The following FMO5 variants were observed in gnomAD, a reference collection of about 807,000 sequenced individuals.
FMO5 encodes flavin containing dimethylaniline monoxygenase 5.
FMO5 carries 51 observed loss-of-function variants against 43.6 expected under a neutral mutation model. That is an observed-to-expected ratio of 1.17 (90% confidence interval 0.93 to 1.48). The LOEUF is 1.48. Among genes scored for constraint, FMO5 ranks in the 40% most tolerant of loss-of-function variants. The pLI is 0.00. For missense variants in FMO5, 644 were observed against 643.0 expected, an observed-to-expected ratio of 1.00 and a Z score of -0.02; for synonymous variants, 187 against 216.5, an observed-to-expected ratio of 0.86 and a Z score of 1.20.
chr1:147,212,457 A>G lies in FMO5; in HGVS notation c.566T>C (p.Ile189Thr), dbSNP rs1553923920. ...TCCAGAATTCCCAATGCCAATTATA[A>G]TGACTCTCTTTCCAGTGAATCCCTC... ...NPEGFTGKRV[I>T]IIGIGNSGGD... The change falls in exon 5 of 9, where the codon ATT (isoleucine) becomes ACT (threonine). Residue 189 changes from isoleucine to threonine, a missense_variant. Ile to Thr is a moderately conservative substitution (Grantham distance 89, BLOSUM62 -1). Coordinates refer to ENST00000254090, the MANE Select transcript of FMO5 (RefSeq NM_001461.4). The G allele has an allele frequency of 6.2e-7, 1 of 1,614,008 alleles. No homozygotes were observed. The highest frequency in any genetic ancestry group is 1.7e-5 in the Admixed American group (1 of 60,018).
chr1:147,203,602 C>G, intron 6 of FMO5: 1 of 1,142,796 alleles, frequency 8.8e-7, no homozygotes, highest in Non-Finnish European at 1.3e-6. Flanking sequence ...TAGCTTCAAA[C>G]GCCTCAGCAA....
intron 7 of FMO5, among the ~76,000 whole-genome samples, chr1:147,193,584 T>C (rs1553919042): frequency 6.6e-6 from 1 of 152,168 alleles, no homozygotes; most frequent in African/African-American, 2.4e-5. Context: ...TTCTAGTTCT[T>C]TTAATTGTGA....
intron 2 of FMO5, among the ~76,000 whole-genome samples, chr1:147,221,837 A>G (rs7553584): frequency 0.093 from 14,081 of 152,222 alleles, 739 homozygotes; most frequent in African/African-American, 0.15. Context: ...CATCCTTCAA[A>G]TCCTTCGAAA....
chr1:147,224,854 G>C (rs781832568), intron 2 of FMO5, 41 bp downstream of exon 2: 2 of 1,591,386 alleles, frequency 1.3e-6, no homozygotes, highest in East Asian at 4.5e-5. Flanking sequence ...CCTAGTTGCA[G>C]GGAGGGTTTC....
upstream of FMO5, among the ~76,000 whole-genome samples, chr1:147,227,118 C>A (rs1664033887): frequency 6.6e-6 from 1 of 152,190 alleles, no homozygotes; most frequent in South Asian, 2.1e-4. Context: ...CATGAGCCAA[C>A]AAGGCCAGCC....
At position 147,187,017 on chromosome 1, in the gene FMO5, G is replaced by T. The variant is rs781795035; in HGVS notation, c.1485C>A (p.Ile495=). Residue 495 remains isoleucine (I), a synonymous_variant, in exon 9 of 9, where the codon ATC becomes ATA. Transcript: ENST00000254090. ...CTACTCTTGTCATCAGAGGCTTCCT[G>T]ATGCGATCATCTGTGGTGAGGATAG... The part of the protein sequence containing the change: ...RKAILTTDDR[I]RKPLMTRVVE... 5 of 1,614,184 alleles carry T rather than the reference G, an allele frequency of 3.1e-6. No homozygotes were observed.
upstream of FMO5, among the ~76,000 whole-genome samples, chr1:147,226,031 T>A (rs1300411203): frequency 6.6e-6 from 1 of 151,994 alleles, no homozygotes; most frequent in Non-Finnish European, 1.5e-5. Context: ...AGGTCAGGGG[T>A]TGATGTTATT....
chr1:147,186,708 G>A lies in FMO5; in HGVS notation c.*192C>T, dbSNP rs919323803. Reference sequence around the variant, plus strand: ...CAAGGAAGAGTGACGGATCATGAGTGGAAGGGAGATGAGTTAATACAAATG... The same window carrying A: ...CAAGGAAGAGTGACGGATCATGAGTAGAAGGGAGATGAGTTAATACAAATG... On this transcript the variant is annotated 3_prime_UTR_variant, in exon 9 of 9. Coordinates refer to ENST00000254090, the MANE Select transcript of FMO5 (RefSeq NM_001461.4). 1.4e-6 allele frequency: 2 copies of A among 1,412,808 alleles called. No homozygotes were observed. Among genetic ancestry groups the A allele is most frequent in the Non-Finnish European group, 1.8e-6 (2 of 1,088,592 alleles). 87.5% of individuals were successfully genotyped at this position (1,412,808 alleles called of 1,614,324 possible). A position where few individuals can be genotyped will look rare whatever the true frequency, so the allele number is the denominator to read the frequency against.
intron 4 of FMO5, 126 bp downstream of exon 4, chr1:147,213,182 A>C: frequency 1.2e-6 from 1 of 806,388 alleles, no homozygotes; most frequent in East Asian, 3.0e-5. Context: ...TCTGGGGAAC[A>C]AGAATAATTA....
At chr1:147,202,312 CTTTTTTTTTTTTT>C (rs55820230) in intron 6 of FMO5, among the ~76,000 whole-genome samples, 5 of 77,468 alleles carry the variant, frequency 6.5e-5, no homozygotes, top group Admixed American at 1.6e-4. Context: ...AAAAGCAGTT[CTTTTTTTTTTTTT>C]TTTTTTTTTT....
chr1:147,189,065 G>T (rs587692936), intron 8 of FMO5, among the ~76,000 whole-genome samples: 1 of 151,918 alleles, frequency 6.6e-6, no homozygotes, highest in African/African-American at 2.4e-5. Context: ...CACAAGGTCA[G>T]GAGTTTGAGA....
chr1:147,211,469 C>T (rs1661057487), intron 5 of FMO5: 1 of 152,034 alleles, frequency 6.6e-6, no homozygotes, highest in Non-Finnish European at 1.5e-5. Flanking sequence ...ATGAGGATAG[C>T]AATGAGAAGA....
At chr1:147,191,535 GT>G (rs376907843) in intron 7 of FMO5, among the ~76,000 whole-genome samples, 31,540 of 151,880 alleles carry the variant, frequency 0.21, 3,532 homozygotes, top group Middle Eastern at 0.26. Context: ...GGGGTTGTTT[GT>G]TTTTTTCTTA....
chr1:147,198,108 T>C (rs1252744603), intron 7 of FMO5, among the ~76,000 whole-genome samples: 1 of 152,168 alleles, frequency 6.6e-6, no homozygotes, highest in Non-Finnish European at 1.5e-5. Context: ...AGAAAAGAGA[T>C]CTGGCTCCCA....
intron 3 of FMO5, chr1:147,215,444 T>A: frequency 3.8e-6 from 1 of 260,494 alleles, no homozygotes; most frequent in Non-Finnish European, 7.3e-6. Flanking sequence ...TACCTATCAG[T>A]TCCCTTCTGT....
chr1:147,190,813 C>T (rs1457902544), intron 7 of FMO5, among the ~76,000 whole-genome samples: 5 of 152,052 alleles, frequency 3.3e-5, no homozygotes, highest in East Asian at 3.9e-4. Flanking sequence ...AGGTATATCT[C>T]GTAATGCTAT....
At chr1:147,190,048 T>C in intron 8 of FMO5, 129 bp downstream of exon 8, 1 of 596,866 alleles carries the variant, frequency 1.7e-6, no homozygotes, top group East Asian at 2.9e-5. Flanking sequence ...CAAATTATTT[T>C]TCCTTTTTTC....
At chr1:147,188,646 C>T (rs1365644363) in intron 8 of FMO5, among the ~76,000 whole-genome samples, 3 of 150,594 alleles carry the variant, frequency 2.0e-5, no homozygotes, top group Non-Finnish European at 3.0e-5. Flanking sequence ...TACACATAGT[C>T]GGCCTTTAAT....
chr1:147,186,244 A>G, downstream of FMO5: 2 of 854,518 alleles, frequency 2.3e-6, no homozygotes, highest in Non-Finnish European at 2.8e-6. Flanking sequence ...GATCTGAATG[A>G]CTGTGAGCCT....
Sources: gnomAD v4.1 joint callset for allele counts (sites outside exome capture counted in the v4.1 genomes callset) on GRCh38, gnomAD v4.1.1 for gene constraint, MANE v1.5 for transcripts, NCBI Gene and HGNC (gene_info 2026-07-23, HGNC 2026-07-21) for gene names.